The following FOXN3 variants were observed in gnomAD, a reference collection of about 807,000 sequenced individuals.
FOXN3 encodes the protein forkhead box N3.
A neutral mutation model predicts 38.4 loss-of-function variants in FOXN3; 7 were observed. The ratio of observed to expected loss-of-function variants is 0.18; its 90% CI spans 0.10 to 0.34. The LOEUF is 0.34. Ranked by LOEUF, FOXN3 falls within the 10% of genes least tolerant of loss-of-function variation. The pLI, the probability that FOXN3 is intolerant of heterozygous loss-of-function variation, is 1.00. For synonymous variants in FOXN3, 230 were observed against 242.2 expected (o/e 0.95, Z 0.47); for missense variants, 456 against 613.4 (o/e 0.74, Z 2.71).
At chr14:89,521,002 A>C (rs545025301) in intron 1 of FOXN3, among the ~76,000 whole-genome samples, 1 of 152,306 alleles carries the variant, frequency 6.6e-6, no homozygotes, top group African/African-American at 2.4e-5. Context: ...AAATTTAAAA[A>C]TTTCCTGAAT....
At chr14:89,425,062 C>CTTTTTTTTTTTT (rs3994032) in intron 1 of FOXN3, among the ~76,000 whole-genome samples, 2 of 104,196 alleles carry the variant, frequency 1.9e-5, no homozygotes, top group Non-Finnish European at 1.8e-5. Context: ...GTTTTCTTTT[C>CTTTTTTTTTTTT]TTTTTTTTTT....
chr14:89,489,433 T>C (rs915137651), intron 1 of FOXN3, among the ~76,000 whole-genome samples: 6 of 152,244 alleles, frequency 3.9e-5, no homozygotes, highest in African/African-American at 7.2e-5. Flanking sequence ...TTTTAAATAT[T>C]TGCAGATACA....
intron 5 of FOXN3, among the ~76,000 whole-genome samples, chr14:89,177,697 C>T (rs969517484): frequency 2.0e-5 from 3 of 151,956 alleles, no homozygotes; most frequent in Admixed American, 6.6e-5. Context: ...CCCAGCAATG[C>T]CTCTGTACCT....
chr14:89,225,644 T>C (rs1884613538), intron 4 of FOXN3, among the ~76,000 whole-genome samples: 1 of 152,168 alleles, frequency 6.6e-6, no homozygotes, highest in Admixed American at 6.5e-5. Flanking sequence ...AAATAATATT[T>C]GAACTAGATC....
chr14:89,572,770 G>A (rs1051228572), intron 1 of FOXN3, among the ~76,000 whole-genome samples: 2 of 152,230 alleles, frequency 1.3e-5, no homozygotes, highest in Admixed American at 6.5e-5. Flanking sequence ...GAGTCCTCCT[G>A]CCAGCTGGCC....
intron 1 of FOXN3, among the ~76,000 whole-genome samples, chr14:89,609,078 G>C (rs1035777383): frequency 9.2e-5 from 14 of 152,198 alleles, no homozygotes; most frequent in Non-Finnish European, 1.9e-4. Context: ...GAGTTCAGGG[G>C]TGAAGAGACA....
chr14:89,567,722 T>A (rs1379070420), intron 1 of FOXN3, among the ~76,000 whole-genome samples: 3 of 5,176 alleles, frequency 5.8e-4, no homozygotes, highest in Non-Finnish European at 1.9e-3. Flanking sequence ...ATCTCGTTGA[T>A]TTTTTTTTTT....
chr14:89,476,273 G>A (rs78230183), intron 1 of FOXN3, among the ~76,000 whole-genome samples: 1,682 of 152,156 alleles, frequency 0.011, 28 homozygotes, highest in African/African-American at 0.038. Context: ...CTCCTTCACC[G>A]TGAGCTGATA....
intron 1 of FOXN3, among the ~76,000 whole-genome samples, chr14:89,606,502 G>T (rs762972482): frequency 6.6e-6 from 1 of 152,112 alleles, no homozygotes; most frequent in South Asian, 2.1e-4. Context: ...GACTTCTCAC[G>T]CCTGAACATA....
intron 1 of FOXN3, among the ~76,000 whole-genome samples, chr14:89,488,289 G>T (rs189630602): frequency 6.6e-6 from 1 of 151,890 alleles, no homozygotes; most frequent in African/African-American, 2.4e-5. Flanking sequence ...CGCCATGTTG[G>T]TCAGGCTGGG....
At chr14:89,491,854 C>T (rs1392421139) in intron 1 of FOXN3, among the ~76,000 whole-genome samples, 1 of 152,168 alleles carries the variant, frequency 6.6e-6, no homozygotes, top group Non-Finnish European at 1.5e-5. Context: ...GATTGAGTTT[C>T]CTCTAAGTAC....
intron 3 of FOXN3, among the ~76,000 whole-genome samples, chr14:89,320,388 C>A (rs1355237823): frequency 1.3e-5 from 2 of 152,138 alleles, no homozygotes; most frequent in Non-Finnish European, 2.9e-5. Flanking sequence ...ACCAGGGTAC[C>A]CCTGTTTCCC....
intron 1 of FOXN3, among the ~76,000 whole-genome samples, chr14:89,571,548 A>G (rs1202484033): frequency 2.0e-5 from 3 of 152,086 alleles, no homozygotes; most frequent in Non-Finnish European, 4.4e-5. Context: ...TGAGAATGAA[A>G]AAAGAATAAA....
chr14:89,511,882 G>A (rs998233440), intron 1 of FOXN3, among the ~76,000 whole-genome samples: 10 of 152,234 alleles, frequency 6.6e-5, no homozygotes, highest in African/African-American at 2.4e-4. Flanking sequence ...AGCAAAGGAG[G>A]AAGCCTCTTA....
rs376595095 is a variant in FOXN3, at chr14:89,345,010, C to T, written c.680+5662G>A. 1.7e-3 allele frequency among the ~76,000 whole-genome samples: 254 copies of T among 152,232 alleles called. 2 individuals are homozygous for T. Among genetic ancestry groups the T allele is most frequent in the African/African-American group, 5.7e-3 (235 of 41,526 alleles). On this transcript the variant is annotated intron_variant, in intron 3 of 5. Transcript: ENST00000557258. ...CCAGATCTAGATTCCGAAGGCCCCA[C>T]GCCAGAGTCTCCTTGGCAAAGGTGT...
At chr14:89,488,271 C>A (rs1275226872) in intron 1 of FOXN3, among the ~76,000 whole-genome samples, 1 of 151,976 alleles carries the variant, frequency 6.6e-6, no homozygotes, top group Non-Finnish European at 1.5e-5. Flanking sequence ...TTAGTACAGA[C>A]AGGGTTTCGC....
At chr14:89,553,279 T>C (rs171462) in intron 1 of FOXN3, among the ~76,000 whole-genome samples, 126,009 of 144,412 alleles carry the variant, frequency 0.87, 55,155 homozygotes, top group African/African-American at 0.9. Flanking sequence ...GTCAAGAAAT[T>C]ATTTCTGGTG....
At chr14:89,363,756 C>G (rs192545201) in intron 2 of FOXN3, among the ~76,000 whole-genome samples, 24 of 151,962 alleles carry the variant, frequency 1.6e-4, no homozygotes, top group African/African-American at 5.6e-4. Context: ...AGTTATTCAC[C>G]ATGAACTTAC....
chr14:89,387,742 G>A (rs188406779), intron 2 of FOXN3, among the ~76,000 whole-genome samples: 6 of 152,346 alleles, frequency 3.9e-5, no homozygotes, highest in Admixed American at 1.3e-4. Flanking sequence ...GACAGAGTTG[G>A]TCTGGGGTAT....
Sources: gnomAD v4.1 joint callset for allele counts (sites outside exome capture counted in the v4.1 genomes callset) on GRCh38, gnomAD v4.1.1 for gene constraint, MANE v1.5 for transcripts, NCBI Gene and HGNC (gene_info 2026-07-23, HGNC 2026-07-21) for gene names.